The following APPL2 variants were observed in gnomAD, a reference collection of about 807,000 sequenced individuals.
APPL2 encodes DCC-interacting protein 13-beta.
Under a neutral mutation model 92.7 loss-of-function variants are expected in APPL2, and 84 were observed. That is an observed-to-expected ratio of 0.91 (90% CI 0.76 to 1.09). The LOEUF is 1.09. Ranked by LOEUF, APPL2 falls within the 50% of genes least tolerant of loss-of-function variation. APPL2 has a pLI of 0.00. For synonymous variants in APPL2, 291 were observed against 291.0 expected (o/e 1.00, Z 0.00); for missense variants, 736 against 824.5 (o/e 0.89, Z 1.31).
In APPL2 at chr12:105,236,132, G is replaced by C; in HGVS notation, c.-120C>G. ...GCGGCGGCCACTCCGTGCCCGCGGC[G>C]GCCCCGCGCGCGTCCACGCCTGGCC... On this transcript the variant is annotated 5_prime_UTR_variant, in exon 1 of 21. Transcript: ENST00000258530. 3.4e-6 allele frequency: 2 copies of C among 596,156 alleles called. No individual in the cohort carries two copies. The highest frequency in any genetic ancestry group is 4.4e-6 in the Non-Finnish European group (2 of 450,530). The allele number at this position is 596,156 out of a possible 1,614,324, so 36.9% of individuals were successfully genotyped here.
chr12:105,199,789 T>C (rs1887990952), intron 9 of APPL2, among the ~76,000 whole-genome samples: 2 of 152,294 alleles, frequency 1.3e-5, no homozygotes, highest in African/African-American at 4.8e-5. Context: ...GAACTATGCT[T>C]GAACCCAGCT....
rs985266256 is a variant in APPL2 at position 105,197,970 on chromosome 12, A to T, written c.864-17T>A. The T allele has an allele frequency of 6.2e-7, 1 of 1,611,288 alleles. No individual in the cohort carries two copies. Among genetic ancestry groups the T allele is most frequent in the Non-Finnish European group, 8.5e-7 (1 of 1,178,558 alleles). ...CCTGTTTTGCTGTGAGTTGTGTTTT[A>T]AAAAGCCCATTAGTACCAGAAAGCA... On this transcript the variant is annotated splice_polypyrimidine_tract_variant and intron_variant, in intron 10 of 20. Transcript: ENST00000258530.
chr12:105,207,993 G>A lies in APPL2; in HGVS notation c.452C>T (p.Pro151Leu). 6.2e-7 allele frequency: 1 copy of A among 1,613,904 alleles called. No homozygotes were observed. The highest frequency in any genetic ancestry group is 8.5e-7 in the Non-Finnish European group (1 of 1,179,866). Residue 151 changes from proline to leucine, a missense_variant, in exon 7 of 21, where the codon CCT becomes CTT. Physicochemically the swap from Pro to Leu is moderately conservative, Grantham distance 98. Transcript: ENST00000258530. Reference protein sequence around the residue: ...DLSMAKYSRLPKKKENEKVKT... With the variant: ...DLSMAKYSRLLKKKENEKVKT... ...TACCTTCTCATTCTCCTTTTTCTTA[G>A]GCAGCCTGCTGTATTTTGCCATTGA...
At position 105,235,952 on chromosome 12, in the gene APPL2, G is replaced by A. The variant is rs936760806; in HGVS notation, c.54+7C>T. On this transcript the variant is annotated splice_region_variant and intron_variant, in intron 1 of 20. Transcript: ENST00000258530. ...CGGGCGAGGGGCACCGGAGCGGCGG[G>A]AGGTACCTGGGGGCTGTCCTGCAAC... 3.9e-5 allele frequency: 48 copies of A among 1,245,428 alleles called. No individual in the cohort carries two copies. In the African/African-American group the frequency reaches 6.1e-4, roughly 16 times the overall value. The allele number at this position is 1,245,428 out of a possible 1,614,324, so 77.1% of individuals were successfully genotyped here.
chr12:105,219,468 T>C (rs985893711), intron 2 of APPL2, among the ~76,000 whole-genome samples: 1 of 152,192 alleles, frequency 6.6e-6, no homozygotes, highest in African/African-American at 2.4e-5. Context: ...AGTCAGCAAG[T>C]GGACAAAGCC....
intron 2 of APPL2, among the ~76,000 whole-genome samples, chr12:105,228,232 T>A (rs921556525): frequency 2.0e-5 from 3 of 152,166 alleles, no homozygotes; most frequent in Admixed American, 1.3e-4. Context: ...ACCAGAAGGA[T>A]TTAGGATTTT....
chr12:105,194,691 G>A (rs1446756278), intron 14 of APPL2, among the ~76,000 whole-genome samples: 3 of 149,112 alleles, frequency 2.0e-5, no homozygotes, highest in Admixed American at 6.7e-5. Context: ...ACTCCGTCTC[G>A]AAAAAATTAA....
In APPL2 at chr12:105,187,928, GT is replaced by G. The variant is rs576375870; in HGVS notation, c.1634+344del. On this transcript the variant is annotated intron_variant, in intron 17 of 20. Transcript: ENST00000258530. ...CCAAGTTATTTAGGCAGATTTTTAA[GT>G]TTTTTTCCATTATTTTTTATAAATA... Among the ~76,000 whole-genome samples the G allele has an allele frequency of 1.6e-3, 234 of 149,980 alleles. 1 individual carries two copies. The highest frequency in any genetic ancestry group is 5.5e-3 in the African/African-American group (224 of 40,786).
At chr12:105,193,416 G>A (rs1467333720) in intron 14 of APPL2, among the ~76,000 whole-genome samples, 11 of 152,082 alleles carry the variant, frequency 7.2e-5, no homozygotes, top group Admixed American at 6.5e-4. Flanking sequence ...ACTTACTCAG[G>A]GACATCTAGC....
intron 11 of APPL2, among the ~76,000 whole-genome samples, chr12:105,197,374 G>A (rs760248498): frequency 1.8e-4 from 27 of 152,278 alleles, no homozygotes; most frequent in South Asian, 4.1e-4. Context: ...CAGGAAGGTC[G>A]TCCTTACCAA....
chr12:105,201,988 G>A (rs1326179408), intron 9 of APPL2, among the ~76,000 whole-genome samples: 1 of 152,182 alleles, frequency 6.6e-6, no homozygotes, highest in East Asian at 1.9e-4. Flanking sequence ...GCCTCCCTGG[G>A]TGGGCTGGCT....
At chr12:105,181,767 C>G (rs1039449294) in intron 17 of APPL2, among the ~76,000 whole-genome samples, 2 of 152,134 alleles carry the variant, frequency 1.3e-5, no homozygotes, top group African/African-American at 2.4e-5. Flanking sequence ...TTATAGTATT[C>G]TCTGTTGGTA....
intron 4 of APPL2, among the ~76,000 whole-genome samples, chr12:105,215,499 T>C (rs1007838205): frequency 1.3e-5 from 2 of 152,348 alleles, no homozygotes; most frequent in Admixed American, 6.5e-5. Flanking sequence ...CCCCCGTGCC[T>C]AGAACAGCGT....
At chr12:105,212,349 T>C (rs1889295792) in intron 4 of APPL2, among the ~76,000 whole-genome samples, 1 of 152,222 alleles carries the variant, frequency 6.6e-6, no homozygotes, top group Non-Finnish European at 1.5e-5. Flanking sequence ...TATCAGTGCA[T>C]TTTTGAGTAC....
intron 1 of APPL2, among the ~76,000 whole-genome samples, chr12:105,235,726 C>T (rs1160647281): frequency 6.6e-6 from 1 of 152,158 alleles, no homozygotes; most frequent in Non-Finnish European, 1.5e-5. Context: ...GTCACGACAT[C>T]AAGACTCCGG....
At chr12:105,207,935 A>C (rs373044169) in intron 7 of APPL2, 36 bp downstream of exon 7, 6 of 1,582,012 alleles carry the variant, frequency 3.8e-6, no homozygotes, top group Non-Finnish European at 5.2e-6. Flanking sequence ...GCCTTTATGT[A>C]AATGAAGTGA....
rs1888493315 is a variant in APPL2, at chr12:105,204,174, A to G, written c.622-389T>C. Among the ~76,000 whole-genome samples, 3 of 152,224 alleles carry G rather than the reference A, an allele frequency of 2.0e-5. No individual in the cohort carries two copies. The South Asian group carries it at 6.2e-4, about 32-fold the overall frequency. On this transcript the variant is annotated intron_variant, in intron 8 of 20. Coordinates refer to ENST00000258530, the MANE Select transcript of APPL2 (RefSeq NM_018171.5). ...CAGTTTGCATTCTTCTACAGCCATG[A>G]CTTTTACAAATCTGCCCATTAGGTA...
intron 1 of APPL2, among the ~76,000 whole-genome samples, chr12:105,231,971 C>T (rs937425490): frequency 2.6e-5 from 4 of 152,184 alleles, no homozygotes; most frequent in Non-Finnish European, 5.9e-5. Flanking sequence ...AGCAAAGGCA[C>T]ACCAGTAGCT....
At chr12:105,174,519 T>A (rs1391222835) in intron 20 of APPL2, 71 bp from the exon 21 acceptor site, 15 of 1,504,016 alleles carry the variant, frequency 1.0e-5, no homozygotes, top group African/African-American at 1.4e-5. Context: ...TTGGCCTGGC[T>A]TTCAATATGT....
Sources: allele counts gnomAD v4.1 joint callset (sites outside exome capture counted in the v4.1 genomes callset), GRCh38; gene constraint gnomAD v4.1.1; transcripts MANE v1.5; gene names NCBI Gene and HGNC (gene_info 2026-07-23, HGNC 2026-07-21).